Variants in PIWIL2 observed in about 807,000 individuals in gnomAD.
PIWIL2 encodes piwi-like protein 2.
Under a neutral mutation model 116.5 loss-of-function variants are expected in PIWIL2, and 81 were observed. That is an observed-to-expected ratio of 0.70 (90% confidence interval 0.58 to 0.84). PIWIL2 has a LOEUF of 0.84. Ranked by LOEUF, PIWIL2 falls within the 40% of genes least tolerant of loss-of-function variation. The probability of loss-of-function intolerance (pLI) is 0.00; values close to 1 mark genes in which losing one functional copy is unlikely to be tolerated. For synonymous variants in PIWIL2, 489 were observed against 429.5 expected (o/e 1.14, Z -1.71); for missense variants, 1,272 against 1,212.3 (o/e 1.05, Z -0.73).
At chr8:22,323,526 A>G (rs1831656769) in intron 20 of PIWIL2, among the ~76,000 whole-genome samples, 1 of 152,162 alleles carries the variant, frequency 6.6e-6, no homozygotes, top group Non-Finnish European at 1.5e-5. Context: ...CACAGTGCCC[A>G]GCCCAGTCAT....
At chr8:22,346,795 G>A (rs1218706293) in intron 20 of PIWIL2, among the ~76,000 whole-genome samples, 5 of 152,094 alleles carry the variant, frequency 3.3e-5, no homozygotes, top group South Asian at 2.1e-4. Context: ...GCCTGTAGGC[G>A]CAGCTACTCA....
chr8:22,338,204 A>G (rs1451803727), intron 20 of PIWIL2, among the ~76,000 whole-genome samples: 1 of 152,242 alleles, frequency 6.6e-6, no homozygotes, highest in Non-Finnish European at 1.5e-5. Context: ...AGGAGAAAAG[A>G]AAACTATCTT....
intron 5 of PIWIL2, 151 bp from the exon 6 acceptor site, chr8:22,284,011 G>GT (rs146727168): frequency 0.057 from 29,126 of 510,970 alleles, 1,099 homozygotes; most frequent in Admixed American, 0.1. Context: ...GCTTGCTTCT[G>GT]TAAGTGTTGC....
At chr8:22,315,356 G>A (rs756813678) in intron 18 of PIWIL2, among the ~76,000 whole-genome samples, 3 of 151,974 alleles carry the variant, frequency 2.0e-5, no homozygotes, top group East Asian at 1.9e-4. Flanking sequence ...TGTTCTTGTC[G>A]CCCAGGTTGG....
chr8:22,311,288 G>A lies in PIWIL2; in HGVS notation c.1977G>A (p.Thr659=), dbSNP rs763948106. ...CTTATGTCAGAACCATTCAATCCAC[G>A]TTAGGAGCTGAGGTAAAAATGTAAT... ...IETYVRTIQS[T]LGAEGKIQMV... Residue 659 remains threonine, a synonymous_variant, in exon 16 of 23, where the codon ACG becomes ACA. Coordinates refer to ENST00000356766, the MANE Select transcript of PIWIL2 (RefSeq NM_018068.5). 14 of 1,603,900 alleles carry A rather than the reference G, an allele frequency of 8.7e-6. No individual in the cohort carries two copies. Among genetic ancestry groups the A allele is most frequent in the South Asian group, 5.6e-5 (5 of 88,682 alleles).
intron 20 of PIWIL2, among the ~76,000 whole-genome samples, chr8:22,322,251 T>TC (rs891511642): frequency 3.3e-5 from 5 of 151,586 alleles, no homozygotes; most frequent in South Asian, 4.2e-4. Context: ...TACATGCCCC[T>TC]CCCCCCCACC....
chr8:22,316,304 C>T lies in PIWIL2; in HGVS notation c.2268C>T (p.Ser756=), dbSNP rs553102129. 15 of 1,612,342 alleles carry T rather than the reference C, an allele frequency of 9.3e-6. No homozygotes were observed. Among genetic ancestry groups the T allele is most frequent in the Admixed American group, 3.3e-5 (2 of 60,000 alleles). The part of the protein sequence containing the change: ...VYHDPSRGMR[S]VVGFVASINL... ...ATGACCCCAGTAGAGGCATGCGCTC[C>T]GTGGTTGGCTTCGTGGCAAGCATCA... Residue 756 remains serine, a synonymous_variant, in exon 19 of 23, where the codon TCC becomes TCT. Transcript: ENST00000356766.
intron 20 of PIWIL2, among the ~76,000 whole-genome samples, chr8:22,322,845 A>ACCGTT (rs1292267228): frequency 6.6e-6 from 1 of 152,002 alleles, no homozygotes; most frequent in Non-Finnish European, 1.5e-5. Context: ...CCAGCTGAAT[A>ACCGTT]CCGTTTTCTT....
At chr8:22,305,497 AT>A in intron 12 of PIWIL2, among the ~76,000 whole-genome samples, 2 of 152,098 alleles carry the variant, frequency 1.3e-5, no homozygotes, top group South Asian at 4.1e-4. Context: ...TGGCCTAGAC[AT>A]TTACTTTAAC....
Position 22,281,102 on chromosome 8 carries a change from T to C in PIWIL2, c.199-18T>C. ...TTTTAAACTACCTCTTAGAACTTTA[T>C]TCTTTGACTTTCCACAGGAGTCTGT... On this transcript the variant is annotated intron_variant, in intron 2 of 22. Coordinates refer to ENST00000356766, the MANE Select transcript of PIWIL2 (RefSeq NM_018068.5). The C allele has an allele frequency of 6.4e-7, 1 of 1,560,664 alleles. No homozygotes were observed. Among genetic ancestry groups the C allele is most frequent in the Non-Finnish European group, 8.7e-7 (1 of 1,143,412 alleles).
intron 20 of PIWIL2, among the ~76,000 whole-genome samples, chr8:22,319,333 C>A (rs1307700197): frequency 6.6e-6 from 1 of 152,102 alleles, no homozygotes; most frequent in Non-Finnish European, 1.5e-5. Context: ...CCAGCAAGGT[C>A]CATATGTTAT....
intron 10 of PIWIL2, 132 bp downstream of exon 10, chr8:22,290,478 G>A (rs1830734161): frequency 1.4e-5 from 8 of 584,684 alleles, no homozygotes; most frequent in South Asian, 4.4e-5. Context: ...GTCTTGTTTT[G>A]TCACCCTGGC....
intron 19 of PIWIL2, 113 bp downstream of exon 19, chr8:22,316,446 A>C: frequency 1.4e-6 from 1 of 723,772 alleles, no homozygotes; most frequent in Non-Finnish European, 2.4e-6. Flanking sequence ...AAGATTTCTA[A>C]ACATTTTCTT....
At chr8:22,321,985 G>A (rs1361545014) in intron 20 of PIWIL2, 6 of 984,124 alleles carry the variant, frequency 6.1e-6, no homozygotes, top group Non-Finnish European at 7.2e-6. Context: ...CTCTGGACTC[G>A]CATGCAATAA....
intron 20 of PIWIL2, among the ~76,000 whole-genome samples, chr8:22,345,189 A>G (rs1832197425): frequency 6.6e-6 from 1 of 152,260 alleles, no homozygotes; most frequent in East Asian, 1.9e-4. Context: ...CATATGTAAA[A>G]TAAAATAAAA....
chr8:22,291,788 A>G (rs79754063), intron 10 of PIWIL2, among the ~76,000 whole-genome samples: 7,544 of 152,200 alleles, frequency 0.05, 290 homozygotes, highest in Admixed American at 0.086. Flanking sequence ...GACCTATCAG[A>G]TAGCAAAACA....
chr8:22,293,531 G>C (rs1161832201), intron 10 of PIWIL2, among the ~76,000 whole-genome samples: 1 of 152,032 alleles, frequency 6.6e-6, no homozygotes, highest in Non-Finnish European at 1.5e-5. Flanking sequence ...CGCCATGTTG[G>C]CCAGGCTGGT....
chr8:22,309,109 G>T (rs929896680), intron 14 of PIWIL2, among the ~76,000 whole-genome samples: 7 of 151,502 alleles, frequency 4.6e-5, no homozygotes, highest in Non-Finnish European at 1.0e-4. Flanking sequence ...TTACAAGCAC[G>T]TGCCACCACG....
At chr8:22,354,724 C>T (rs1451278398) in intron 22 of PIWIL2, among the ~76,000 whole-genome samples, 3 of 152,192 alleles carry the variant, frequency 2.0e-5, no homozygotes, top group Non-Finnish European at 4.4e-5. Context: ...ACTTACCTTT[C>T]TCCAGCCTTT....
Sources: allele counts gnomAD v4.1 joint callset (sites outside exome capture counted in the v4.1 genomes callset), GRCh38; gene constraint gnomAD v4.1.1; transcripts MANE v1.5; gene names NCBI Gene and HGNC (gene_info 2026-07-23, HGNC 2026-07-21).